Variants in RGS3 observed in about 807,000 individuals in gnomAD.
RGS3 encodes the protein regulator of G-protein signalling 3.
Under a neutral mutation model 132.6 loss-of-function variants are expected in RGS3, and 80 were observed. The ratio of observed to expected loss-of-function variants is 0.60; its 90% CI spans 0.50 to 0.73. RGS3 has a LOEUF of 0.73. RGS3 is among the 30% of genes least tolerant of loss of function. RGS3 has a pLI of 0.00. For missense variants in RGS3, 1,382 were observed against 1,530.8 expected (o/e 0.90, Z 1.62); for synonymous variants, 598 against 620.6 (o/e 0.96, Z 0.54).
At position 113,489,019 on chromosome 9, in the gene RGS3, T is replaced by C. The variant is rs150540399; in HGVS notation, c.689+3326T>C. The stretch of plus-strand genomic sequence containing the variant: ...TTGTGGAAGGAAGGAAACAAACATT[T>C]ATGGAATTCTTCTCTGTGCCAAGCA... On this transcript the variant is annotated intron_variant, in intron 7 of 24. Coordinates refer to ENST00000350696, the Ensembl canonical transcript of RGS3. 4.8e-4 allele frequency among the ~76,000 whole-genome samples: 73 copies of C among 152,330 alleles called. No individual in the cohort carries two copies. The East Asian group carries it at 0.012, about 26-fold the overall frequency.
Position 113,514,670 on chromosome 9 carries a change from G to T in RGS3, c.1674+16G>T, listed in dbSNP as rs1443317075. On this transcript the variant is annotated intron_variant, in intron 15 of 24. Coordinates refer to ENST00000350696, the Ensembl canonical transcript of RGS3. ...CTTTGTTCAGGTGAGCCCGTGGCTG[G>T]TCTTAAAGGTTCCCTCAGGAGGAAC... The T allele has an allele frequency of 6.2e-7, 1 of 1,611,478 alleles. No homozygotes were observed. The highest frequency in any genetic ancestry group is 1.1e-5 in the South Asian group (1 of 90,918).
intron 20 of RGS3, among the ~76,000 whole-genome samples, chr9:113,588,869 C>A (rs531541990): frequency 1.5e-3 from 236 of 152,364 alleles, no homozygotes; most frequent in Admixed American, 2.5e-3. Flanking sequence ...AGGGATGTAA[C>A]TGAGCTAAGG....
intron 19 of RGS3, among the ~76,000 whole-genome samples, chr9:113,571,648 C>T (rs910901221): frequency 3.3e-5 from 5 of 152,146 alleles, no homozygotes; most frequent in African/African-American, 4.8e-5. Flanking sequence ...CCAAATATCT[C>T]TTCCCACTCT....
At chr9:113,459,515 C>A (rs1829424645), upstream of RGS3, among the ~76,000 whole-genome samples, 1 of 152,072 alleles carries the variant, frequency 6.6e-6, no homozygotes, top group African/African-American at 2.4e-5. Context: ...TGTGGGAGGC[C>A]AAGGTGTACG....
upstream of RGS3, among the ~76,000 whole-genome samples, chr9:113,458,579 G>A (rs1425085702): frequency 6.6e-6 from 1 of 151,986 alleles, no homozygotes; most frequent in African/African-American, 2.4e-5. Flanking sequence ...ATTCTATTTA[G>A]CCTTCATAAC....
Position 113,463,560 on chromosome 9 carries a change from TGCTCAGCGCGGGTCGGCGGCGCC to T in RGS3, c.415+1362_415+1384del. On this transcript the variant is annotated intron_variant, in intron 3 of 24. Coordinates refer to ENST00000350696, the Ensembl canonical transcript of RGS3. The surrounding 1 kb of genome is among the most constrained non-coding windows in gnomAD (Gnocchi z 4.6). ...TGGCTCCTTGGGTGGCTGCCGTCGC[TGCTCAGCGCGGGTCGGCGGCGCC>T]GCCTCCCCCACCCCGGCCCAGCTCT... 2 of 353,496 alleles carry T rather than the reference TGCTCAGCGCGGGTCGGCGGCGCC, an allele frequency of 5.7e-6. No individual in the cohort carries two copies. The highest frequency in any genetic ancestry group is 7.9e-6 in the Non-Finnish European group (2 of 252,086). The allele number at this position is 353,496 out of a possible 1,614,324, so 21.9% of individuals were successfully genotyped here.
intron 19 of RGS3, among the ~76,000 whole-genome samples, chr9:113,569,790 T>G (rs991379744): frequency 3.3e-5 from 5 of 151,904 alleles, no homozygotes; most frequent in African/African-American, 1.2e-4. Context: ...TGGAGAGGCA[T>G]GGGGTGGGGA....
chr9:113,473,232 C>T (rs1826766518), intron 3 of RGS3, among the ~76,000 whole-genome samples: 1 of 152,206 alleles, frequency 6.6e-6, no homozygotes, highest in African/African-American at 2.4e-5. Flanking sequence ...AACTAGGCTT[C>T]ACCTCTTGAA....
chr9:113,457,585 TGCCACTTTGAGCAAGAGGACTGCTGGGAG>T (rs1475392006), upstream of RGS3, among the ~76,000 whole-genome samples: 1 of 152,234 alleles, frequency 6.6e-6, no homozygotes, highest in Non-Finnish European at 1.5e-5. Flanking sequence ...ACCGTAGCCT[TGCCACTTTGAGCAAGAGGACTGCTGGGAG>T]AGATGGTATT....
intron 3 of RGS3, among the ~76,000 whole-genome samples, chr9:113,475,975 G>A (rs1210689133): frequency 6.6e-6 from 1 of 150,896 alleles, no homozygotes; most frequent in Admixed American, 6.6e-5. Context: ...TGTTCCCCAA[G>A]GTCCAGGCTG....
chr9:113,509,724 C>A (rs542034981), intron 14 of RGS3, among the ~76,000 whole-genome samples: 2 of 152,164 alleles, frequency 1.3e-5, no homozygotes, highest in South Asian at 4.2e-4. Context: ...GTTCCCCTCT[C>A]AGTGGTGTGA....
At chr9:113,551,361 A>G (rs1476544680) in intron 19 of RGS3, among the ~76,000 whole-genome samples, 1 of 152,180 alleles carries the variant, frequency 6.6e-6, no homozygotes, top group African/African-American at 2.4e-5. Flanking sequence ...ATTTTGTTTA[A>G]CCGTTCATCA....
intron 4 of RGS3, among the ~76,000 whole-genome samples, chr9:113,482,057 A>C (rs1304957863): frequency 6.6e-6 from 1 of 151,692 alleles, no homozygotes; most frequent in Admixed American, 6.6e-5. Context: ...AAAAAAAAAA[A>C]AAACAAAAAA....
At chr9:113,508,941 T>C (rs1831273527) in intron 14 of RGS3, among the ~76,000 whole-genome samples, 1 of 151,942 alleles carries the variant, frequency 6.6e-6, no homozygotes, top group African/African-American at 2.4e-5. Flanking sequence ...TCAGGGAGCG[T>C]GGAGGTGGGA....
At chr9:113,542,676 G>A (rs777240260) in intron 19 of RGS3, among the ~76,000 whole-genome samples, 5 of 152,236 alleles carry the variant, frequency 3.3e-5, no homozygotes, top group Non-Finnish European at 4.4e-5. Context: ...GGCCTCGTGG[G>A]GGATAGTGGG....
At chr9:113,502,809 G>A (rs1003534733) in intron 10 of RGS3, among the ~76,000 whole-genome samples, 2 of 152,188 alleles carry the variant, frequency 1.3e-5, no homozygotes, top group African/African-American at 4.8e-5. Flanking sequence ...CAAGCTTTTT[G>A]TCAGGTCTGA....
chr9:113,508,689 C>A, intron 14 of RGS3, 109 bp downstream of exon 12: 1 of 1,081,590 alleles, frequency 9.2e-7, no homozygotes, highest in Non-Finnish European at 1.4e-6. Context: ...CCAATGGAGT[C>A]AGGTCACTTA....
intron 19 of RGS3, among the ~76,000 whole-genome samples, chr9:113,568,678 G>C (rs1042456011): frequency 6.6e-6 from 1 of 152,212 alleles, no homozygotes; most frequent in Admixed American, 6.5e-5. Context: ...GTTGTTGTTT[G>C]TGGAGCCAGG....
chr9:113,502,088 T>C (rs1341578146), intron 10 of RGS3, among the ~76,000 whole-genome samples: 1 of 152,162 alleles, frequency 6.6e-6, no homozygotes, highest in Non-Finnish European at 1.5e-5. Context: ...ATAACTTTCC[T>C]CTCCCCTACT....
Sources: gnomAD v4.1 joint callset for allele counts (sites outside exome capture counted in the v4.1 genomes callset) on GRCh38, gnomAD v4.1.1 for gene constraint, Gnocchi (gnomAD v3.1) non-coding constraint, MANE v1.5 for transcripts, NCBI Gene and HGNC (gene_info 2026-07-23, HGNC 2026-07-21) for gene names.